Variants in COL10A1 observed in about 807,000 individuals in gnomAD.
COL10A1 encodes the protein collagen alpha-1(X) chain.
In COL10A1, 10 loss-of-function variants were observed where a neutral mutation model predicts 18.2. The observed-to-expected ratio is 0.55, with a 90% CI of 0.34 to 0.93. The LOEUF is 0.93. Ranked by LOEUF, COL10A1 falls within the 40% of genes least tolerant of loss-of-function variation. The pLI, the probability that COL10A1 is intolerant of heterozygous loss-of-function variation, is 0.02. For missense variants in COL10A1, 897 were observed against 853.5 expected (o/e 1.05, Z -0.64); for synonymous variants, 330 against 316.6 (o/e 1.04, Z -0.45).
At chr6:116,140,574 CCTATGCCATCTCCCT>C (rs1446903577) in intron 1 of COL10A1, among the ~76,000 whole-genome samples, 2 of 152,072 alleles carry the variant, frequency 1.3e-5, no homozygotes, top group African/African-American at 2.4e-5. Context: ...TTTTGAAACC[CCTATGCCATCTCCCT>C]GATGGCATTC....
chr6:116,146,272 C>T (rs1423656601), intron 1 of COL10A1, among the ~76,000 whole-genome samples: 1 of 152,192 alleles, frequency 6.6e-6, no homozygotes, highest in East Asian at 1.9e-4. Context: ...CAAAAGTTAT[C>T]TAGGCTTCAG....
intron 2 of COL10A1, 99 bp downstream of exon 2, chr6:116,125,240 G>T: frequency 7.2e-7 from 1 of 1,391,492 alleles, no homozygotes; most frequent in Non-Finnish European, 9.9e-7. Context: ...AAGTTGGAAA[G>T]TAACACCAAA....
intron 1 of COL10A1, among the ~76,000 whole-genome samples, chr6:116,147,791 T>C (rs1041831501): frequency 3.3e-5 from 5 of 152,174 alleles, no homozygotes; most frequent in African/African-American, 1.2e-4. Flanking sequence ...TACAGGGTTA[T>C]TGATTATACC....
chr6:116,153,323 A>G (rs75136961), intron 1 of COL10A1, among the ~76,000 whole-genome samples: 3,963 of 133,490 alleles, frequency 0.03, 157 homozygotes, highest in African/African-American at 0.11. Flanking sequence ...GACTGCCCAT[A>G]AACATCAGCT....
intron 1 of COL10A1, among the ~76,000 whole-genome samples, chr6:116,139,517 T>C (rs1158512859): frequency 6.6e-6 from 1 of 152,164 alleles, no homozygotes; most frequent in African/African-American, 2.4e-5. Context: ...TGTAATGATA[T>C]TGAACTGCAT....
chr6:116,161,457 G>T (rs1190539220), upstream of COL10A1, among the ~76,000 whole-genome samples: 1 of 152,002 alleles, frequency 6.6e-6, no homozygotes, highest in Non-Finnish European at 1.5e-5. Flanking sequence ...TCTGTATATA[G>T]ATAGCCAGCT....
intron 1 of COL10A1, among the ~76,000 whole-genome samples, chr6:116,140,979 G>T (rs1330108578): frequency 6.6e-6 from 1 of 152,104 alleles, no homozygotes; most frequent in Non-Finnish European, 1.5e-5. Context: ...GTATACCTAG[G>T]AGTGGTATAT....
At chr6:116,181,279 A>G in the COL10A1 span, among the ~76,000 whole-genome samples, 1 of 152,064 alleles carries the variant, frequency 6.6e-6, no homozygotes, top group African/African-American at 2.4e-5. Flanking sequence ...TAATAAGAAT[A>G]CAATGTAATA....
chr6:116,193,161 G>C, the COL10A1 span, among the ~76,000 whole-genome samples: 2 of 151,964 alleles, frequency 1.3e-5, no homozygotes, highest in African/African-American at 4.8e-5. Context: ...GCAACTCTTT[G>C]TGTAATGGCC....
chr6:116,121,601 A>G lies in COL10A1; in HGVS notation c.515T>C (p.Phe172Ser). 1 of 1,613,910 alleles carries G rather than the reference A, an allele frequency of 6.2e-7. No homozygotes were observed. The highest frequency in any genetic ancestry group is 8.5e-7 in the Non-Finnish European group (1 of 1,179,910). The change falls in exon 3 of 3, where the codon TTT becomes TCT. Residue 172 changes from phenylalanine (F) to serine (S), a missense_variant. Transcript: ENST00000651968. ...TCCTGGTGCACCCTTTTCTCCAGGA[A>G]AGCCCCTGGGTCCTGGGGCTCCTGT... The part of the protein sequence containing the change: ...GPTGAPGPRG[F>S]PGEKGAPGVP...
chr6:116,193,925 G>A, the COL10A1 span, among the ~76,000 whole-genome samples: 2 of 151,926 alleles, frequency 1.3e-5, no homozygotes, highest in Admixed American at 1.3e-4. Flanking sequence ...GTAGTCAGAT[G>A]TGGTGGCATG....
chr6:116,132,173 G>A (rs1294293048), intron 1 of COL10A1, among the ~76,000 whole-genome samples: 1 of 152,108 alleles, frequency 6.6e-6, no homozygotes, highest in African/African-American at 2.4e-5. Flanking sequence ...GTCTTTGGGA[G>A]AGAGTCATAG....
chr6:116,206,301 A>G, the COL10A1 span, among the ~76,000 whole-genome samples: 1 of 152,004 alleles, frequency 6.6e-6, no homozygotes, highest in Admixed American at 6.6e-5. Flanking sequence ...TGTGTAAAGC[A>G]TTGTGCTAAA....
chr6:116,148,183 G>A (rs1017344444), intron 1 of COL10A1, among the ~76,000 whole-genome samples: 1 of 152,092 alleles, frequency 6.6e-6, no homozygotes, highest in Non-Finnish European at 1.5e-5. Context: ...TAGTAATAGT[G>A]CTTGCATCTT....
At chr6:116,181,137 G>A in the COL10A1 span, among the ~76,000 whole-genome samples, 2 of 151,854 alleles carry the variant, frequency 1.3e-5, no homozygotes, top group Admixed American at 6.6e-5. Flanking sequence ...TATTGAAGTC[G>A]AGTGATGAGT....
In COL10A1 at chr6:116,120,192, T is replaced by C. The variant is rs1304869240; in HGVS notation, c.1924A>G (p.Ile642Val). 1 of 1,614,162 alleles carries C rather than the reference T, an allele frequency of 6.2e-7. No individual in the cohort carries two copies. Among genetic ancestry groups the C allele is most frequent in the South Asian group, 1.1e-5 (1 of 91,084 alleles). The change falls in exon 3 of 3, where the codon ATC becomes GTC. Residue 642 changes from isoleucine (I) to valine (V), a missense_variant. Ile to Val is a conservative substitution (Grantham distance 29). Coordinates refer to ENST00000651968, the MANE Select transcript of COL10A1 (RefSeq NM_000493.4). ...YLDQASGSAI[I>V]DLTENDQVWL... ...ACCTGGTCATTTTCTGTGAGATCGA[T>C]GATGGCACTCCCTGAAGCCTGATCC...
chr6:116,149,561 T>C (rs923563679), intron 1 of COL10A1, among the ~76,000 whole-genome samples: 3 of 152,204 alleles, frequency 2.0e-5, no homozygotes, highest in African/African-American at 7.2e-5. Flanking sequence ...TACATAATGC[T>C]TTTAACAAAG....
chr6:116,183,660 G>A, the COL10A1 span, among the ~76,000 whole-genome samples: 1 of 151,032 alleles, frequency 6.6e-6, no homozygotes, highest in Non-Finnish European at 1.5e-5. Context: ...TTTTTTTGCA[G>A]CTTTTATAAA....
intron 1 of COL10A1, among the ~76,000 whole-genome samples, chr6:116,138,710 A>G (rs548382624): frequency 6.6e-6 from 1 of 152,284 alleles, no homozygotes; most frequent in Non-Finnish European, 1.5e-5. Context: ...ATTATTACTA[A>G]TATATGAATC....
Sources: gnomAD v4.1 joint callset for allele counts (sites outside exome capture counted in the v4.1 genomes callset) on GRCh38, gnomAD v4.1.1 for gene constraint, MANE v1.5 for transcripts, NCBI Gene and HGNC (gene_info 2026-07-23, HGNC 2026-07-21) for gene names.